Variants in TLL2 observed in about 807,000 individuals in gnomAD.
TLL2 encodes the protein tolloid like 2.
A neutral mutation model predicts 123.0 loss-of-function variants in TLL2; 106 were observed. The ratio of observed to expected loss-of-function variants is 0.86; its 90% CI spans 0.74 to 1.01. TLL2 has a LOEUF of 1.01. TLL2 is among the 50% of genes least tolerant of loss of function. The pLI, the probability that TLL2 is intolerant of heterozygous loss-of-function variation, is 0.00. For synonymous variants in TLL2, 494 were observed against 516.8 expected (o/e 0.96, Z 0.60); for missense variants, 1,332 against 1,336.7 (o/e 1.00, Z 0.06).
At chr10:96,389,282 G>T (rs896078256) in intron 13 of TLL2, among the ~76,000 whole-genome samples, 1 of 152,178 alleles carries the variant, frequency 6.6e-6, no homozygotes, top group Non-Finnish European at 1.5e-5. Flanking sequence ...GACTGAAAAC[G>T]ATGCATGTGA....
intron 2 of TLL2, among the ~76,000 whole-genome samples, chr10:96,477,620 G>A (rs1447971627): frequency 6.6e-6 from 1 of 152,174 alleles, no homozygotes; most frequent in Non-Finnish European, 1.5e-5. Context: ...TATGTGCCAG[G>A]CACTGTGCTA....
intron 2 of TLL2, among the ~76,000 whole-genome samples, chr10:96,456,801 C>T (rs896469473): frequency 6.6e-6 from 1 of 152,186 alleles, no homozygotes; most frequent in Non-Finnish European, 1.5e-5. Flanking sequence ...CCAGGCACTG[C>T]CCACCTGCAG....
chr10:96,374,495 C>T (rs1294982523), intron 18 of TLL2: 2 of 152,364 alleles, frequency 1.3e-5, no homozygotes, highest in African/African-American at 4.8e-5. Context: ...GCAGCACCCT[C>T]ATGGTGGCTG....
At chr10:96,493,940 T>C (rs1847443269) in intron 1 of TLL2, among the ~76,000 whole-genome samples, 1 of 151,990 alleles carries the variant, frequency 6.6e-6, no homozygotes, top group Non-Finnish European at 1.5e-5. Context: ...TGACAATCCG[T>C]AAGAAGGGGA....
chr10:96,508,026 T>C (rs1227367556), intron 1 of TLL2, among the ~76,000 whole-genome samples: 3 of 152,090 alleles, frequency 2.0e-5, no homozygotes, highest in Non-Finnish European at 4.4e-5. Context: ...GTGTGGCCCA[T>C]GGTGTGGGAG....
chr10:96,399,296 T>C (rs1325276757), intron 10 of TLL2, among the ~76,000 whole-genome samples: 1 of 152,172 alleles, frequency 6.6e-6, no homozygotes, highest in Admixed American at 6.5e-5. Context: ...TTTTTTAAAG[T>C]CCAATTCACA....
intron 17 of TLL2, among the ~76,000 whole-genome samples, chr10:96,377,825 A>G (rs2901992): frequency 0.97 from 148,510 of 152,366 alleles, 72,499 homozygotes; most frequent in Non-Finnish European, 1. Flanking sequence ...GCAGTGGCTC[A>G]GCTCCTGGGA....
intron 2 of TLL2, among the ~76,000 whole-genome samples, chr10:96,454,251 C>T (rs942108461): frequency 6.6e-6 from 1 of 152,176 alleles, no homozygotes; most frequent in Admixed American, 6.5e-5. Context: ...TTCTCTCAGA[C>T]AGTGCTGGGA....
Position 96,376,794 on chromosome 10 carries a change from A to T in TLL2, c.2346T>A (p.Ser782Arg). ...KEAGCAHKISSVEGTLASPNW... is the reference protein window; with the variant it reads ...KEAGCAHKISRVEGTLASPNW... Reference sequence around the variant, plus strand: ...TGGGGCTCGCCAGGGTCCCCTCCACACTGCTGATCTTGTGTGCACAGCCAG... The same window carrying T: ...TGGGGCTCGCCAGGGTCCCCTCCACTCTGCTGATCTTGTGTGCACAGCCAG... Residue 782 changes from serine (S) to arginine (R), a missense_variant, in exon 18 of 21, where the codon AGT becomes AGA. Physicochemically the swap from Ser to Arg is moderately radical, Grantham distance 110. Coordinates refer to ENST00000357947, the MANE Select transcript of TLL2 (RefSeq NM_012465.4). 6.4e-7 allele frequency: 1 copy of T among 1,570,596 alleles called. No individual in the cohort carries two copies. Among genetic ancestry groups the T allele is most frequent in the Non-Finnish European group, 8.6e-7 (1 of 1,161,750 alleles).
Position 96,432,958 on chromosome 10 carries a change from G to T in TLL2, c.369C>A (p.Gly123=). 6.2e-7 allele frequency: 1 copy of T among 1,612,958 alleles called. No homozygotes were observed. ...DTGTKEAGKD[G]RENTTLLHSP... ...TGTGCAGGAGTGTGGTATTCTCCCG[G>T]CCATCTGCAACACAGTCAGGTTAAT... The change falls in exon 4 of 21, where the codon GGC becomes GGA. Residue 123 remains glycine (G), a synonymous_variant. Coordinates refer to ENST00000357947, the MANE Select transcript of TLL2 (RefSeq NM_012465.4).
chr10:96,440,160 A>C (rs1186696601), intron 3 of TLL2, among the ~76,000 whole-genome samples: 4 of 152,190 alleles, frequency 2.6e-5, no homozygotes, highest in Non-Finnish European at 4.4e-5. Flanking sequence ...CTAATTTGCT[A>C]TTCCAGCCCT....
Position 96,365,450 on chromosome 10 carries a change from C to G in TLL2, c.*2638G>C, listed in dbSNP as rs1364509452. The G allele has an allele frequency of 6.6e-6, 1 of 152,240 alleles. No homozygotes were observed. Among genetic ancestry groups the G allele is most frequent in the African/African-American group, 2.4e-5 (1 of 41,464 alleles). The allele number at this position is 152,240 out of a possible 1,614,324, so 9.4% of individuals were successfully genotyped here. On this transcript the variant is annotated 3_prime_UTR_variant, in exon 21 of 21. Transcript: ENST00000357947. The stretch of plus-strand genomic sequence containing the variant: ...CCAGAACGGAGCCAGGCTAAAAACC[C>G]AGACCCCAAATCCTTCATTAGCCTG...
intron 15 of TLL2, 126 bp downstream of exon 15, chr10:96,385,929 G>C (rs1159220110): frequency 9.8e-7 from 1 of 1,017,168 alleles, no homozygotes; most frequent in Non-Finnish European, 1.3e-6. Context: ...GCTAGCGCAG[G>C]TCCTAAGACT....
intron 1 of TLL2, among the ~76,000 whole-genome samples, chr10:96,502,259 G>A (rs1564920665): frequency 6.6e-6 from 1 of 152,198 alleles, no homozygotes; most frequent in Non-Finnish European, 1.5e-5. Flanking sequence ...GGGGCCTGCT[G>A]ATTGCTCTTA....
chr10:96,413,597 G>A (rs900077946), intron 7 of TLL2, among the ~76,000 whole-genome samples: 4 of 152,202 alleles, frequency 2.6e-5, no homozygotes, highest in African/African-American at 7.2e-5. Context: ...TTAGGGATGT[G>A]TCCTGAGCAT....
intron 5 of TLL2, among the ~76,000 whole-genome samples, chr10:96,426,882 C>T (rs558588148): frequency 1.3e-5 from 2 of 152,110 alleles, no homozygotes; most frequent in African/African-American, 4.8e-5. Flanking sequence ...TTGTGCTCTC[C>T]TTAGGTTTAT....
intron 9 of TLL2, among the ~76,000 whole-genome samples, chr10:96,407,482 A>G (rs1227608705): frequency 1.3e-5 from 2 of 152,170 alleles, no homozygotes; most frequent in Non-Finnish European, 2.9e-5. Context: ...CAATACACAC[A>G]TCACTGTGCT....
chr10:96,386,795 G>A (rs1185924436), intron 14 of TLL2, among the ~76,000 whole-genome samples, 158 bp downstream of exon 14: 1 of 152,210 alleles, frequency 6.6e-6, no homozygotes, highest in African/African-American at 2.4e-5. Context: ...ACAGCTGTCA[G>A]GCTGTTTCTC....
At chr10:96,446,645 A>T (rs1846899767) in intron 2 of TLL2, among the ~76,000 whole-genome samples, 1 of 152,158 alleles carries the variant, frequency 6.6e-6, no homozygotes, top group Non-Finnish European at 1.5e-5. Context: ...GCACTCTCTT[A>T]GTATTCGGGT....
Sources: gnomAD v4.1 joint callset for allele counts (sites outside exome capture counted in the v4.1 genomes callset) on GRCh38, gnomAD v4.1.1 for gene constraint, MANE v1.5 for transcripts, NCBI Gene and HGNC (gene_info 2026-07-23, HGNC 2026-07-21) for gene names.